Variants in SUPT3H observed in about 807,000 individuals in gnomAD.
SUPT3H encodes the protein SPT3 homolog, SAGA and STAGA complex component.
In SUPT3H, 44 loss-of-function variants were observed where a neutral mutation model predicts 44.3. The observed-to-expected ratio is 0.99, with a 90% CI of 0.78 to 1.28. SUPT3H has a LOEUF of 1.28. Among genes scored for constraint, SUPT3H ranks in the 50% most tolerant of loss-of-function variants. The pLI is 0.00. For missense variants in SUPT3H, 380 were observed against 387.1 expected (o/e 0.98, Z 0.15); for synonymous variants, 124 against 125.6 (o/e 0.99, Z 0.09).
downstream of SUPT3H, among the ~76,000 whole-genome samples, chr6:44,822,484 G>A (rs1767395451): frequency 6.6e-6 from 1 of 152,204 alleles, no homozygotes; most frequent in Non-Finnish European, 1.5e-5. Flanking sequence ...AGTCCTACTA[G>A]TTTGTAATTC....
chr6:45,121,111 T>C (rs1412169639), intron 2 of SUPT3H, among the ~76,000 whole-genome samples: 2 of 152,194 alleles, frequency 1.3e-5, no homozygotes, highest in Non-Finnish European at 2.9e-5. Context: ...ACCATTCATA[T>C]ACTGTTTCCA....
At chr6:44,812,592 T>A (rs1370489575) in intron 11 of SUPT3H, among the ~76,000 whole-genome samples, 2 of 152,238 alleles carry the variant, frequency 1.3e-5, no homozygotes, top group Admixed American at 6.5e-5. Flanking sequence ...ATTCACAGGT[T>A]CTGAGATTTG....
At chr6:45,176,952 A>T (rs1431158301) in intron 2 of SUPT3H, among the ~76,000 whole-genome samples, 1 of 152,182 alleles carries the variant, frequency 6.6e-6, no homozygotes, top group Non-Finnish European at 1.5e-5. Flanking sequence ...AAGTACATAA[A>T]ACCACAAAGA....
chr6:45,031,712 G>A (rs1786967687), intron 3 of SUPT3H, among the ~76,000 whole-genome samples: 2 of 152,202 alleles, frequency 1.3e-5, no homozygotes, highest in African/African-American at 4.8e-5. Context: ...CCATAATTAA[G>A]CACTTACATC....
Position 45,150,054 on chromosome 6 carries a change from C to T in SUPT3H, c.102-44048G>A, listed in dbSNP as rs546587689. Among the ~76,000 whole-genome samples, 82 of 152,122 alleles carry T rather than the reference C, an allele frequency of 5.4e-4. 1 individual carries two copies. Among genetic ancestry groups the T allele is most frequent in the African/African-American group, 2.0e-3 (81 of 41,486 alleles). On this transcript the variant is annotated intron_variant, in intron 2 of 10. Transcript: ENST00000371459. ...CCAGCATCAATGTTTTTTTTAAGAG[C>T]TCCTCAGAATGGTTACAAATATGTA...
At chr6:45,299,741 C>A (rs1477081114) in intron 2 of SUPT3H, among the ~76,000 whole-genome samples, 1 of 149,160 alleles carries the variant, frequency 6.7e-6, no homozygotes, top group Non-Finnish European at 1.5e-5. Context: ...ACAGTGAGAC[C>A]CCGGCTCTGC....
intron 11 of SUPT3H, among the ~76,000 whole-genome samples, chr6:44,817,044 G>C (rs575407878): frequency 6.6e-6 from 1 of 152,118 alleles, no homozygotes; most frequent in East Asian, 1.9e-4. Context: ...TTGGACTACA[G>C]AGTGAGACCC....
intron 10 of SUPT3H, among the ~76,000 whole-genome samples, chr6:44,878,737 T>C (rs957549645): frequency 1.3e-5 from 2 of 152,150 alleles, no homozygotes; most frequent in African/African-American, 2.4e-5. Context: ...GCTTATCTCA[T>C]TGGGACTGGT....
intron 3 of SUPT3H, among the ~76,000 whole-genome samples, chr6:45,045,711 A>T (rs1165129800): frequency 6.6e-6 from 1 of 152,146 alleles, no homozygotes. Context: ...ATTCACATAT[A>T]TTCTTTTATA....
At chr6:45,371,988 G>C (rs530091694) in intron 1 of SUPT3H, 1 of 879,602 alleles carries the variant, frequency 1.1e-6, no homozygotes, top group Non-Finnish European at 1.4e-6. Flanking sequence ...CCCGACACCT[G>C]GTCCAGAGTT....
chr6:44,891,069 G>A (rs1042787800), intron 10 of SUPT3H, among the ~76,000 whole-genome samples: 76 of 152,030 alleles, frequency 5.0e-4, no homozygotes, highest in African/African-American at 1.8e-3. Flanking sequence ...CATGGCACAT[G>A]TATACCTATG....
intron 3 of SUPT3H, among the ~76,000 whole-genome samples, chr6:45,057,071 TAC>T (rs1449141577): frequency 2.0e-5 from 3 of 152,094 alleles, no homozygotes; most frequent in African/African-American, 7.2e-5. Flanking sequence ...CTAAAACAAA[TAC>T]AATTGTCTTT....
At position 45,025,659 on chromosome 6, in the gene SUPT3H, G is replaced by A. The variant is rs544726234; in HGVS notation, c.187-5027C>T. Among the ~76,000 whole-genome samples the A allele has an allele frequency of 5.9e-5, 9 of 152,174 alleles. No individual in the cohort carries two copies. In the East Asian group the frequency reaches 1.4e-3, roughly 23 times the overall value. ...AGCACTTTGGGAGGCCGAGACAGGC[G>A]GATCATGAGGTCAGGAGATTGAGAC... On this transcript the variant is annotated intron_variant, in intron 3 of 10. Transcript: ENST00000371459.
chr6:44,901,469 G>C (rs999190789), intron 10 of SUPT3H, among the ~76,000 whole-genome samples: 1 of 152,048 alleles, frequency 6.6e-6, no homozygotes, highest in Non-Finnish European at 1.5e-5. Context: ...GAGAAGTTTA[G>C]AGAAAAAAGA....
At chr6:44,905,411 A>G (rs1032556096) in intron 10 of SUPT3H, among the ~76,000 whole-genome samples, 7 of 121,986 alleles carry the variant, frequency 5.7e-5, no homozygotes, top group African/African-American at 2.0e-4. Flanking sequence ...CGAAAGACAC[A>G]TGAAAAAATG....
At chr6:45,322,043 A>C (rs1785573550) in intron 2 of SUPT3H, 2 of 540,552 alleles carry the variant, frequency 3.7e-6, no homozygotes, top group African/African-American at 4.0e-5. Flanking sequence ...CTTAATAAGA[A>C]TCATGAATAA....
At chr6:45,263,715 A>C (rs1429657463) in intron 2 of SUPT3H, among the ~76,000 whole-genome samples, 2 of 152,158 alleles carry the variant, frequency 1.3e-5, no homozygotes, top group African/African-American at 4.8e-5. Context: ...ATGATGATAA[A>C]GGGAATGCCA....
chr6:44,923,026 A>G (rs1768973989), intron 10 of SUPT3H, among the ~76,000 whole-genome samples: 1 of 152,136 alleles, frequency 6.6e-6, no homozygotes, highest in South Asian at 2.1e-4. Context: ...AGAAACTGTA[A>G]CAACATTTAA....
intron 10 of SUPT3H, among the ~76,000 whole-genome samples, chr6:44,912,758 A>G (rs1767253023): frequency 6.6e-6 from 1 of 152,184 alleles, no homozygotes; most frequent in East Asian, 1.9e-4. Context: ...CCCTCCTTAC[A>G]ATTAAATGTA....
Sources: allele counts gnomAD v4.1 joint callset (sites outside exome capture counted in the v4.1 genomes callset), GRCh38; gene constraint gnomAD v4.1.1; transcripts MANE v1.5; gene names NCBI Gene and HGNC (gene_info 2026-07-23, HGNC 2026-07-21).